PRDM8: variants seen among roughly 807,000 people sequenced by gnomAD.
The protein encoded by PRDM8 is PR domain zinc finger protein 8.
PRDM8 carries 13 observed loss-of-function variants against 46.5 expected under a neutral mutation model. The observed-to-expected ratio is 0.28, with a 90% CI of 0.18 to 0.44. PRDM8 has a LOEUF of 0.44. PRDM8 is among the 20% of genes least tolerant of loss of function. PRDM8 has a pLI of 1.00. For missense variants in PRDM8, 998 were observed against 955.0 expected, an observed-to-expected ratio of 1.04 and a Z score of -0.59; for synonymous variants, 473 against 438.4, an observed-to-expected ratio of 1.08 and a Z score of -0.98.
intron 1 of PRDM8, among the ~76,000 whole-genome samples, chr4:80,199,709 A>ATATGTGTG (rs370819149): frequency 2.0e-4 from 26 of 133,004 alleles, no homozygotes; most frequent in South Asian, 4.8e-4. Context: ...ATATATATAT[A>ATATGTGTG]TGTGTGTGTG....
chr4:80,189,797 G>A (rs1450433288), intron 1 of PRDM8: 1 of 152,238 alleles, frequency 6.6e-6, no homozygotes, highest in African/African-American at 2.4e-5. Context: ...TGGTTCCCCT[G>A]TGGAATTGTG....
chr4:80,198,678 T>C (rs991763842), intron 1 of PRDM8, among the ~76,000 whole-genome samples: 4 of 152,156 alleles, frequency 2.6e-5, no homozygotes, highest in Admixed American at 6.5e-5. Context: ...TAGGCTATGT[T>C]AGCTGGAATG....
upstream of PRDM8, among the ~76,000 whole-genome samples, chr4:80,194,962 T>G (rs531424053): frequency 1.8e-4 from 27 of 152,282 alleles, no homozygotes; most frequent in South Asian, 5.6e-3. Flanking sequence ...AAAAGAAATA[T>G]AGTTTAAATG....
rs13110335 is a variant in PRDM8 at position 80,203,740 on chromosome 4, C to A, written c.*208C>A. ...TCAAATATTTACCCGGGACACACAC[C>A]CCCCCCCACACACACACACAGACAC... On this transcript the variant is annotated 3_prime_UTR_variant, in exon 4 of 4. Coordinates refer to ENST00000415738, the MANE Select transcript of PRDM8 (RefSeq NM_001099403.2). 0.057 allele frequency: 25,558 copies of A among 445,952 alleles called. 993 individuals are homozygous for A. The highest frequency in any genetic ancestry group is 0.081 in the Middle Eastern group (125 of 1,538). 27.6% of individuals were successfully genotyped at this position (445,952 alleles called of 1,614,324 possible).
At chr4:80,187,778 C>T (rs1444187495) in intron 1 of PRDM8, among the ~76,000 whole-genome samples, 1 of 152,120 alleles carries the variant, frequency 6.6e-6, no homozygotes, top group Non-Finnish European at 1.5e-5. Flanking sequence ...AATGTCACCC[C>T]CCTTCCTGAG....
At chr4:80,201,597 G>C in intron 3 of PRDM8, 76 bp downstream of exon 3, 3 of 1,385,980 alleles carry the variant, frequency 2.2e-6, no homozygotes, top group Non-Finnish European at 2.0e-6. Context: ...GGGCTCACCC[G>C]GCGCGTTGGC....
rs1318758245 is a variant in PRDM8 at position 80,203,677 on chromosome 4, A to G, written c.*145A>G. Reference sequence around the variant, plus strand: ...CATTCACCGCCCCCCCGCCCCCCCAACGCGCACACACACGTCCTCTCCTCC... The same window carrying G: ...CATTCACCGCCCCCCCGCCCCCCCAGCGCGCACACACACGTCCTCTCCTCC... On this transcript the variant is annotated 3_prime_UTR_variant, in exon 4 of 4. Coordinates refer to ENST00000415738, the MANE Select transcript of PRDM8 (RefSeq NM_001099403.2). 1.7e-6 allele frequency: 2 copies of G among 1,153,250 alleles called. No individual in the cohort carries two copies. Among genetic ancestry groups the G allele is most frequent in the Middle Eastern group, 3.1e-4 (1 of 3,240 alleles). 71.4% of individuals were successfully genotyped at this position (1,153,250 alleles called of 1,614,324 possible).
upstream of PRDM8, among the ~76,000 whole-genome samples, chr4:80,194,532 A>G (rs948331442): frequency 2.0e-5 from 3 of 152,236 alleles, no homozygotes; most frequent in African/African-American, 7.2e-5. Context: ...GATTTTCTTT[A>G]TCCCCTATTA....
chr4:80,188,918 C>T (rs1421111518), intron 1 of PRDM8, among the ~76,000 whole-genome samples: 1 of 152,240 alleles, frequency 6.6e-6, no homozygotes, highest in Non-Finnish European at 1.5e-5. Flanking sequence ...TGAGGGCAGC[C>T]ACGGGGGGAA....
chr4:80,186,452 A>AGAGAGAGAGAGAGAGAGAGAGG (rs1383971149), intron 1 of PRDM8, among the ~76,000 whole-genome samples: 1 of 151,732 alleles, frequency 6.6e-6, no homozygotes, highest in African/African-American at 2.4e-5. Flanking sequence ...AGAGAGAGAG[A>AGAGAGAGAGAGAGAGAGAGAGG]GAGATTGATT....
At chr4:80,200,003 G>T (rs1738304686) in intron 1 of PRDM8, 76 bp from the exon 2 acceptor site, 2 of 1,204,846 alleles carry the variant, frequency 1.7e-6, no homozygotes, top group Admixed American at 1.9e-5. Flanking sequence ...CCTAGTATTT[G>T]GACAGTTCTG....
At chr4:80,188,380 A>G (rs1578240089) in intron 1 of PRDM8, among the ~76,000 whole-genome samples, 2 of 152,236 alleles carry the variant, frequency 1.3e-5, no homozygotes, top group East Asian at 3.8e-4. Context: ...CCTATTTCAC[A>G]GATCCCCCTG....
At chr4:80,198,980 GTTTTTTTTTTTTTGTTTTTTTT>G (rs796896719) in intron 1 of PRDM8, among the ~76,000 whole-genome samples, 7,572 of 104,324 alleles carry the variant, frequency 0.073, 682 homozygotes, top group African/African-American at 0.22. Context: ...GTTTTTTTGG[GTTTTTTTTTTTTTGTTTTTTTT>G]TTTTTTTTTT....
At chr4:80,200,555 T>C (rs907593306) in intron 2 of PRDM8, among the ~76,000 whole-genome samples, 2 of 152,234 alleles carry the variant, frequency 1.3e-5, no homozygotes, top group Non-Finnish European at 2.9e-5. Context: ...AGTTCTGGAT[T>C]ATCCTGGTGA....
chr4:80,186,853 A>C (rs1198409247), intron 1 of PRDM8, among the ~76,000 whole-genome samples: 1 of 152,168 alleles, frequency 6.6e-6, no homozygotes, highest in African/African-American at 2.4e-5. Context: ...AAAGCTATTC[A>C]GGCTCCTCAT....
At chr4:80,197,141 G>C, upstream of PRDM8, 1 of 985,510 alleles carries the variant, frequency 1.0e-6, no homozygotes, top group Non-Finnish European at 1.2e-6. Flanking sequence ...GTCCGCACGC[G>C]CTGGGTGTCC....
chr4:80,188,603 T>C (rs1737299822), intron 1 of PRDM8, among the ~76,000 whole-genome samples: 1 of 152,150 alleles, frequency 6.6e-6, no homozygotes, highest in East Asian at 1.9e-4. Context: ...GTGTTCAAAA[T>C]CCCAAATATC....
At position 80,201,443 on chromosome 4, in the gene PRDM8, G is replaced by A. The variant is rs1162839638; in HGVS notation, c.373G>A (p.Glu125Lys). Residue 125 changes from glutamate (E) to lysine (K), a missense_variant, in exon 3 of 4, where the codon GAG becomes AAG. Coordinates refer to ENST00000415738, the MANE Select transcript of PRDM8 (RefSeq NM_001099403.2). Reference sequence around the variant, plus strand: ...TCTCCGCAGGATTGCCAAAGACGAGGAGTTACTAGTTTGGTACGGGAAAGA... The same window carrying A: ...TCTCCGCAGGATTGCCAAAGACGAGAAGTTACTAGTTTGGTACGGGAAAGA... ...RSLRRIAKDE[E>K]LLVWYGKELT... 4 of 1,614,122 alleles carry A rather than the reference G, an allele frequency of 2.5e-6. No individual in the cohort carries two copies. The African/African-American group carries it at 5.3e-5, about 22-fold the overall frequency.
At position 80,202,185 on chromosome 4, in the gene PRDM8, G is replaced by A. The variant is rs1033911190; in HGVS notation, c.723G>A (p.Pro241=). 8 of 1,611,724 alleles carry A rather than the reference G, an allele frequency of 5.0e-6. No individual in the cohort carries two copies. In the Admixed American group the frequency reaches 1.0e-4, roughly 20 times the overall value. The change falls in exon 4 of 4, where the codon CCG becomes CCA. Residue 241 remains proline, a synonymous_variant. Transcript: ENST00000415738. ...TCCACCACTACCCATCCCCCTCCCC[G>A]GAAAGCAGCAACCCATCCGCTGCCG... ...GPLHHYPSPS[P]ESSNPSAAAG... is the part of the protein sequence containing the mutation.
Sources: allele counts gnomAD v4.1 joint callset (sites outside exome capture counted in the v4.1 genomes callset), GRCh38; gene constraint gnomAD v4.1.1; transcripts MANE v1.5; gene names NCBI Gene and HGNC (gene_info 2026-07-23, HGNC 2026-07-21).